RNF185: variants seen among roughly 807,000 people sequenced by gnomAD.
RNF185 encodes E3 ubiquitin-protein ligase RNF185.
Under a neutral mutation model 24.9 loss-of-function variants are expected in RNF185, and 13 were observed. The ratio of observed to expected loss-of-function variants is 0.52; its 90% CI spans 0.34 to 0.83. The LOEUF is 0.83. Among genes scored for constraint, RNF185 ranks in the 40% least tolerant of loss-of-function variants. The probability of loss-of-function intolerance (pLI) is 0.01; values close to 1 mark genes in which losing one functional copy is unlikely to be tolerated. For missense variants in RNF185, 184 were observed against 244.7 expected, an observed-to-expected ratio of 0.75 and a Z score of 1.65; for synonymous variants, 79 against 90.3, an observed-to-expected ratio of 0.88 and a Z score of 0.71.
At chr22:31,193,883 T>A (rs1324114265) in intron 3 of RNF185, among the ~76,000 whole-genome samples, 1 of 151,200 alleles carries the variant, frequency 6.6e-6, no homozygotes. Context: ...TCACTTGTTT[T>A]TTTAAGAAAA....
At chr22:31,167,046 A>G (rs775250899) in intron 1 of RNF185, among the ~76,000 whole-genome samples, 4 of 152,218 alleles carry the variant, frequency 2.6e-5, no homozygotes, top group African/African-American at 4.8e-5. Flanking sequence ...GTGTATAATA[A>G]GTACTTGGTG....
Position 31,181,969 on chromosome 22 carries a change from G to A in RNF185, c.-48-5078G>A, listed in dbSNP as rs1393947376. Among the ~76,000 whole-genome samples, 9 of 151,266 alleles carry A rather than the reference G, an allele frequency of 5.9e-5. No homozygotes were observed. The East Asian group carries it at 1.4e-3, about 23-fold the overall frequency. ...GTATACATATGTAACAAACCTGCAC[G>A]TTGTGCACATGTACCCTAGAACTTA... On this transcript the variant is annotated intron_variant, in intron 1 of 6. Coordinates refer to ENST00000326132, the MANE Select transcript of RNF185 (RefSeq NM_152267.4).
intron 1 of RNF185, among the ~76,000 whole-genome samples, chr22:31,162,352 G>A (rs1441982639): frequency 1.3e-5 from 2 of 152,074 alleles, no homozygotes; most frequent in South Asian, 2.1e-4. Flanking sequence ...AGAACTTCTC[G>A]ATCTAAAAGT....
At chr22:31,200,334 G>A (rs2048248742) in intron 5 of RNF185, among the ~76,000 whole-genome samples, 3 of 152,110 alleles carry the variant, frequency 2.0e-5, no homozygotes, top group Non-Finnish European at 4.4e-5. Flanking sequence ...TCCAGGCTTG[G>A]TGACAGAGCG....
intron 4 of RNF185, among the ~76,000 whole-genome samples, chr22:31,196,482 T>C (rs1425545879): frequency 6.6e-6 from 1 of 152,212 alleles, no homozygotes; most frequent in African/African-American, 2.4e-5. Context: ...AATAATAGCA[T>C]TGGGTATTTG....
intron 1 of RNF185, among the ~76,000 whole-genome samples, chr22:31,184,150 A>C (rs1250799618): frequency 1.3e-5 from 2 of 150,354 alleles, no homozygotes; most frequent in African/African-American, 4.9e-5. Flanking sequence ...GACGCTCCTC[A>C]CTTCCCGGAC....
chr22:31,162,919 G>A (rs1239124157), intron 1 of RNF185, among the ~76,000 whole-genome samples: 2 of 151,410 alleles, frequency 1.3e-5, no homozygotes, highest in South Asian at 2.1e-4. Context: ...CGCCCACCCC[G>A]ATGACTGGCT....
At chr22:31,195,353 G>C (rs1195941346) in intron 3 of RNF185, 116 bp from the exon 4 acceptor site, 6 of 614,474 alleles carry the variant, frequency 9.8e-6, no homozygotes, top group Non-Finnish European at 1.7e-5. Context: ...GATGTTCCCT[G>C]CTCATGCTGG....
At chr22:31,174,248 A>T (rs2047959365) in intron 1 of RNF185, among the ~76,000 whole-genome samples, 1 of 152,224 alleles carries the variant, frequency 6.6e-6, no homozygotes, top group African/African-American at 2.4e-5. Flanking sequence ...CAGCCATCAC[A>T]TTCCTCTGTG....
Position 31,189,280 on chromosome 22 carries a change from C to CTTTTTTTTTTTTTTTTTTTTTTT in RNF185, c.176+2015_176+2037dup, listed in dbSNP as rs1050842065. Among the ~76,000 whole-genome samples the CTTTTTTTTTTTTTTTTTTTTTTT allele has an allele frequency of 3.3e-5, 2 of 61,518 alleles. 1 individual carries two copies. The highest frequency in any genetic ancestry group is 1.3e-4 in the African/African-American group (2 of 15,250). 40.4% of individuals were successfully genotyped at this position (61,518 alleles called of 152,430 possible). ...ATTTAAATGTACAGCTGTTGTATAT[C>CTTTTTTTTTTTTTTTTTTTTTTT]TTTTTTTTTTTTTTTTTTTTTTTTT... On this transcript the variant is annotated intron_variant, in intron 2 of 6. Transcript: ENST00000326132.
Position 31,187,314 on chromosome 22 carries a change from T to G in RNF185, c.176+44T>G, listed in dbSNP as rs56671772. 0.014 allele frequency: 22,041 copies of G among 1,607,654 alleles called. 2,639 individuals carry two copies. In the African/African-American group the frequency reaches 0.26, roughly 19 times the overall value. On this transcript the variant is annotated intron_variant, in intron 2 of 6. Coordinates refer to ENST00000326132, the MANE Select transcript of RNF185 (RefSeq NM_152267.4). ...ACCCCAGAGAGCACATTGCCAAGTT[T>G]GGAAAGCCTGTGGCCCTGGGTGGTT...
chr22:31,186,670 C>G (rs2048101940), intron 1 of RNF185, among the ~76,000 whole-genome samples: 1 of 152,176 alleles, frequency 6.6e-6, no homozygotes. Flanking sequence ...ATTCACCCAT[C>G]AATATAGAGG....
At chr22:31,200,159 C>G (rs971547527) in intron 5 of RNF185, among the ~76,000 whole-genome samples, 2 of 152,060 alleles carry the variant, frequency 1.3e-5, no homozygotes, top group Admixed American at 1.3e-4. Flanking sequence ...GAGTTTGAGA[C>G]CAGCCTGAGC....
chr22:31,161,140 T>A (rs1033099743), intron 1 of RNF185, among the ~76,000 whole-genome samples: 7 of 152,198 alleles, frequency 4.6e-5, no homozygotes, highest in Non-Finnish European at 8.8e-5. Context: ...GAGGCAGAAC[T>A]AGGACTAACA....
At chr22:31,163,716 C>T (rs1172793756) in intron 1 of RNF185, among the ~76,000 whole-genome samples, 5 of 151,164 alleles carry the variant, frequency 3.3e-5, no homozygotes, top group African/African-American at 1.2e-4. Flanking sequence ...CTCTGTCCTC[C>T]AGGCTGGAGT....
intron 1 of RNF185, among the ~76,000 whole-genome samples, chr22:31,175,916 T>C (rs1310761317): frequency 6.6e-6 from 1 of 152,200 alleles, no homozygotes; most frequent in Non-Finnish European, 1.5e-5. Context: ...CTGAAGGTAT[T>C]GGACCTTTCA....
At chr22:31,184,095 C>T (rs1481968016) in intron 1 of RNF185, among the ~76,000 whole-genome samples, 16 of 149,362 alleles carry the variant, frequency 1.1e-4, no homozygotes, top group African/African-American at 5.0e-5. Flanking sequence ...GCTGGCCGGG[C>T]GGGGGCTGCC....
At chr22:31,189,083 G>C (rs1449549910) in intron 2 of RNF185, among the ~76,000 whole-genome samples, 3 of 149,078 alleles carry the variant, frequency 2.0e-5, no homozygotes, top group Admixed American at 6.7e-5. Flanking sequence ...CTGAGATCGC[G>C]CCACTGCACT....
chr22:31,175,022 G>A (rs948921771), intron 1 of RNF185, among the ~76,000 whole-genome samples: 1 of 151,216 alleles, frequency 6.6e-6, no homozygotes, highest in Non-Finnish European at 1.5e-5. Flanking sequence ...GCGGTGAGCC[G>A]AGATCGCGCC....
Sources: allele counts gnomAD v4.1 joint callset (sites outside exome capture counted in the v4.1 genomes callset), GRCh38; gene constraint gnomAD v4.1.1; transcripts MANE v1.5; gene names NCBI Gene and HGNC (gene_info 2026-07-23, HGNC 2026-07-21).